The following NRF1 variants were observed in gnomAD, a reference collection of about 807,000 sequenced individuals.
NRF1 encodes nuclear respiratory factor 1.
A neutral mutation model predicts 58.5 loss-of-function variants in NRF1; 5 were observed. That is an observed-to-expected ratio of 0.09 (90% CI 0.04 to 0.18). The LOEUF is 0.18. NRF1 is among the 10% of genes least tolerant of loss of function. The probability of loss-of-function intolerance (pLI) is 1.00; values close to 1 mark genes in which losing one functional copy is unlikely to be tolerated. For missense variants in NRF1, 288 were observed against 657.7 expected, an observed-to-expected ratio of 0.44 and a Z score of 6.15; for synonymous variants, 224 against 246.7, an observed-to-expected ratio of 0.91 and a Z score of 0.86.
chr7:129,685,956 G>T lies in NRF1; in HGVS notation c.466-4450G>T, dbSNP rs547764670. ...TCTGTACTAAAAATGCAAAAAAATAGCCGGGCATGGTGGCAGGCACCTGTA... is the reference window on the plus strand; with the variant it reads ...TCTGTACTAAAAATGCAAAAAAATATCCGGGCATGGTGGCAGGCACCTGTA... On this transcript the variant is annotated intron_variant, in intron 4 of 10. Coordinates refer to ENST00000393232, the MANE Select transcript of NRF1 (RefSeq NM_005011.5). Among the ~76,000 whole-genome samples, 6 of 151,962 alleles carry T rather than the reference G, an allele frequency of 3.9e-5. No homozygotes were observed. In the South Asian group the frequency reaches 1.2e-3, roughly 32 times the overall value.
chr7:129,671,565 T>C (rs780421721), intron 3 of NRF1, 22 bp downstream of exon 3: 15 of 1,241,436 alleles, frequency 1.2e-5, no homozygotes, highest in Middle Eastern at 1.9e-4. Flanking sequence ...CTTATCCATA[T>C]TGTTACTATT....
intron 5 of NRF1, among the ~76,000 whole-genome samples, chr7:129,706,934 T>C (rs1262086055): frequency 6.6e-6 from 1 of 152,210 alleles, no homozygotes. Context: ...ATTTCTGTTT[T>C]GTTTGTTTGG....
At chr7:129,754,726 TA>T (rs1584699743) in intron 10 of NRF1, among the ~76,000 whole-genome samples, 3 of 152,150 alleles carry the variant, frequency 2.0e-5, no homozygotes, top group Non-Finnish European at 4.4e-5. Flanking sequence ...AAGAGATTAA[TA>T]TGGTAATTTT....
At chr7:129,720,635 C>T (rs185519142) in intron 9 of NRF1, among the ~76,000 whole-genome samples, 3 of 152,250 alleles carry the variant, frequency 2.0e-5, no homozygotes, top group East Asian at 3.9e-4. Flanking sequence ...GAGGAAGCTA[C>T]GTGCAATGGC....
chr7:129,646,487 A>G (rs556801464), intron 1 of NRF1, among the ~76,000 whole-genome samples: 1 of 152,154 alleles, frequency 6.6e-6, no homozygotes, highest in Non-Finnish European at 1.5e-5. Context: ...AGGAAGCACT[A>G]CCACCCCTAG....
At chr7:129,675,055 A>G (rs973296114) in intron 3 of NRF1, among the ~76,000 whole-genome samples, 2 of 152,208 alleles carry the variant, frequency 1.3e-5, no homozygotes, top group Non-Finnish European at 2.9e-5. Flanking sequence ...AGTTTGTGTA[A>G]TATTCTAAAT....
chr7:129,629,247 C>T (rs1387855445), intron 1 of NRF1, among the ~76,000 whole-genome samples: 1 of 151,382 alleles, frequency 6.6e-6, no homozygotes, highest in Admixed American at 6.6e-5. Context: ...GCAGCTAATT[C>T]AGCTTACAAC....
At chr7:129,696,283 G>C (rs1802696651) in intron 5 of NRF1, among the ~76,000 whole-genome samples, 1 of 152,024 alleles carries the variant, frequency 6.6e-6, no homozygotes, top group Non-Finnish European at 1.5e-5. Context: ...TGCAAAGTTT[G>C]ATAATGTTTC....
rs923139481 is a variant in NRF1 at position 129,611,731 on chromosome 7, C to G, written c.-100C>G. 3 of 347,336 alleles carry G rather than the reference C, an allele frequency of 8.6e-6. No individual in the cohort carries two copies. The highest frequency in any genetic ancestry group is 4.3e-5 in the East Asian group (1 of 23,030). 21.5% of individuals were successfully genotyped at this position (347,336 alleles called of 1,614,324 possible). On this transcript the variant is annotated 5_prime_UTR_variant, in exon 1 of 11. Transcript: ENST00000393232. ...GCGGCGGCGGCGGCAGAAGCGGCAG[C>G]GCTCGCCATTGCCGCTGGTGGCAGG...
chr7:129,718,822 C>T lies in NRF1; in HGVS notation c.1223+1446C>T, dbSNP rs6959016. ...CGTCACATAGATTCAGGTTTGAATC[C>T]TGGCTCCACCATTTGATCCTGAGAA... On this transcript the variant is annotated intron_variant, in intron 9 of 10. Coordinates refer to ENST00000393232, the MANE Select transcript of NRF1 (RefSeq NM_005011.5). Among the ~76,000 whole-genome samples, 1,359 of 152,248 alleles carry T rather than the reference C, an allele frequency of 8.9e-3. 22 individuals carry two copies. The highest frequency in any genetic ancestry group is 0.031 in the African/African-American group (1,288 of 41,548).
chr7:129,664,317 T>G (rs767418784), intron 2 of NRF1, among the ~76,000 whole-genome samples: 3 of 152,238 alleles, frequency 2.0e-5, no homozygotes, highest in Non-Finnish European at 4.4e-5. Context: ...ATATAAACCA[T>G]GCCTGAATGG....
chr7:129,709,309 C>A (rs1803017999), intron 6 of NRF1, 76 bp downstream of exon 6: 10 of 1,261,908 alleles, frequency 7.9e-6, no homozygotes, highest in Admixed American at 2.8e-5. Flanking sequence ...GTCATTTCTA[C>A]ATCTTGTGCT....
At chr7:129,751,223 G>T (rs1562994037) in intron 10 of NRF1, among the ~76,000 whole-genome samples, 2 of 152,250 alleles carry the variant, frequency 1.3e-5, no homozygotes, top group African/African-American at 4.8e-5. Flanking sequence ...CGTGTGAAGT[G>T]AGTGGGGATT....
chr7:129,626,201 C>T (rs535013592), intron 1 of NRF1, among the ~76,000 whole-genome samples: 24 of 152,208 alleles, frequency 1.6e-4, no homozygotes, highest in Non-Finnish European at 3.1e-4. Flanking sequence ...ATATTAAATA[C>T]TTGGCACATG....
intron 10 of NRF1, among the ~76,000 whole-genome samples, chr7:129,735,593 C>T (rs1275665046): frequency 6.6e-6 from 1 of 152,176 alleles, no homozygotes; most frequent in African/African-American, 2.4e-5. Context: ...TGTCATTACA[C>T]TTAGAGAAGG....
At chr7:129,658,296 C>T (rs2402967) in intron 2 of NRF1, among the ~76,000 whole-genome samples, 45,772 of 151,792 alleles carry the variant, frequency 0.3, 8,505 homozygotes, top group Non-Finnish European at 0.43. Context: ...CTTTATTTAT[C>T]AATGCCTTAT....
chr7:129,734,141 T>C (rs1033037026), intron 10 of NRF1, among the ~76,000 whole-genome samples: 2 of 152,244 alleles, frequency 1.3e-5, no homozygotes, highest in African/African-American at 4.8e-5. Context: ...TCCTGTTGTA[T>C]CATTATTTTA....
At chr7:129,748,749 A>G (rs186356350) in intron 10 of NRF1, among the ~76,000 whole-genome samples, 30 of 152,374 alleles carry the variant, frequency 2.0e-4, no homozygotes, top group Middle Eastern at 3.4e-3. Context: ...TATTCATCCA[A>G]TAATACTGAA....
At chr7:129,731,542 C>G (rs915084542) in intron 10 of NRF1, among the ~76,000 whole-genome samples, 2 of 152,174 alleles carry the variant, frequency 1.3e-5, no homozygotes, top group Admixed American at 6.5e-5. Flanking sequence ...TTCACAGATG[C>G]CTTTTCATTT....
Sources: gnomAD v4.1 joint callset for allele counts (sites outside exome capture counted in the v4.1 genomes callset) on GRCh38, gnomAD v4.1.1 for gene constraint, MANE v1.5 for transcripts, NCBI Gene and HGNC (gene_info 2026-07-23, HGNC 2026-07-21) for gene names.